The following CYP46A1 variants were observed in gnomAD, a reference collection of about 807,000 sequenced individuals.
The protein encoded by CYP46A1 is cytochrome P450 family 46 subfamily A member 1.
CYP46A1 carries 20 observed loss-of-function variants against 63.3 expected under a neutral mutation model. The observed-to-expected ratio is 0.32, with a 90% CI of 0.22 to 0.46. The LOEUF (loss-of-function observed/expected upper bound fraction) is 0.46. Ranked by LOEUF, CYP46A1 falls within the 20% of genes least tolerant of loss-of-function variation. CYP46A1 has a pLI of 1.00. For missense variants in CYP46A1, 445 were observed against 670.8 expected (o/e 0.66, Z 3.72); for synonymous variants, 268 against 273.6 (o/e 0.98, Z 0.20).
At chr14:99,706,453 G>T (rs2056676741) in intron 5 of CYP46A1, 194 bp from the exon 6 acceptor site, 2 of 614,372 alleles carry the variant, frequency 3.3e-6, no homozygotes, top group Non-Finnish European at 5.6e-6. Flanking sequence ...GGAGGAGAAT[G>T]GTGAAACCCC....
intron 1 of CYP46A1, among the ~76,000 whole-genome samples, chr14:99,689,270 T>A (rs1007316352): frequency 6.6e-6 from 1 of 152,096 alleles, no homozygotes; most frequent in Non-Finnish European, 1.5e-5. Flanking sequence ...AAGCTGATCC[T>A]GAGATAAGAA....
chr14:99,698,792 A>G (rs1047572923), intron 3 of CYP46A1, among the ~76,000 whole-genome samples: 15 of 152,326 alleles, frequency 9.8e-5, no homozygotes, highest in South Asian at 6.2e-4. Flanking sequence ...CCACTGGGCA[A>G]TCCTGCCTCA....
At chr14:99,718,336 C>A (rs2056811960) in intron 10 of CYP46A1, among the ~76,000 whole-genome samples, 2 of 152,186 alleles carry the variant, frequency 1.3e-5, no homozygotes, top group Non-Finnish European at 2.9e-5. Flanking sequence ...CTAGAAAGGG[C>A]TTCTCAGATC....
At chr14:99,684,844 C>A (rs575997013) in intron 1 of CYP46A1, 12 of 481,798 alleles carry the variant, frequency 2.5e-5, no homozygotes, top group Non-Finnish European at 4.5e-5. Flanking sequence ...GGCGAAGTCA[C>A]CTGCCCAAGG....
Position 99,721,333 on chromosome 14 carries a change from G to C in CYP46A1, c.1065+10G>C. Reference sequence around the variant, plus strand: ...GCAGTACCTGTCCCAGGTGTGGGAAGTAGGAGGGAAGCTTCTGGGCGGATG... The same window carrying C: ...GCAGTACCTGTCCCAGGTGTGGGAACTAGGAGGGAAGCTTCTGGGCGGATG... On this transcript the variant is annotated intron_variant, in intron 11 of 14. Coordinates refer to ENST00000261835, the MANE Select transcript of CYP46A1 (RefSeq NM_006668.2). 6.3e-7 allele frequency: 1 copy of C among 1,587,352 alleles called. No individual in the cohort carries two copies. Among genetic ancestry groups the C allele is most frequent in the Non-Finnish European group, 8.7e-7 (1 of 1,155,484 alleles).
At chr14:99,721,167 C>G (rs1302776714) in intron 10 of CYP46A1, 72 bp from the exon 11 acceptor site, 2 of 1,076,236 alleles carry the variant, frequency 1.9e-6, no homozygotes, top group South Asian at 2.5e-5. Context: ...TTCCAGTGCC[C>G]CCTTCTTAAA....
At chr14:99,717,742 G>A (rs1252044409) in intron 9 of CYP46A1, 3 of 328,730 alleles carry the variant, frequency 9.1e-6, no homozygotes, top group Non-Finnish European at 1.7e-5. Context: ...GCTTTTGTGT[G>A]CACCCTGCAT....
intron 3 of CYP46A1, among the ~76,000 whole-genome samples, chr14:99,694,981 GAT>G (rs780615008): frequency 5.8e-4 from 88 of 152,238 alleles, no homozygotes; most frequent in African/African-American, 2.0e-3. Flanking sequence ...CACAAATTTT[GAT>G]ATGTTTTATT....
At chr14:99,717,403 C>T (rs1003179406) in intron 9 of CYP46A1, among the ~76,000 whole-genome samples, 3 of 152,106 alleles carry the variant, frequency 2.0e-5, no homozygotes, top group African/African-American at 7.2e-5. Flanking sequence ...AGTCACAGCC[C>T]GCGATGCAGA....
chr14:99,690,526 G>C (rs1010505681), intron 1 of CYP46A1, among the ~76,000 whole-genome samples: 2 of 152,204 alleles, frequency 1.3e-5, no homozygotes, highest in Non-Finnish European at 2.9e-5. Context: ...CCCTTGGAAT[G>C]AGCTTCAGGA....
At chr14:99,692,256 C>T (rs1007988649) in intron 3 of CYP46A1, among the ~76,000 whole-genome samples, 5 of 152,356 alleles carry the variant, frequency 3.3e-5, no homozygotes, top group African/African-American at 1.2e-4. Flanking sequence ...TCAAAACATC[C>T]TTAAAGAGTG....
At chr14:99,708,327 G>A (rs889691417) in intron 7 of CYP46A1, 3 of 154,198 alleles carry the variant, frequency 1.9e-5, no homozygotes, top group Non-Finnish European at 2.7e-5. Flanking sequence ...TGCCACCAGC[G>A]CCTGCCACTG....
intron 1 of CYP46A1, among the ~76,000 whole-genome samples, 199 bp from the exon 2 acceptor site, chr14:99,690,882 G>C (rs548769427): frequency 1.3e-5 from 2 of 152,226 alleles, no homozygotes; most frequent in East Asian, 3.9e-4. Flanking sequence ...CTTCTCCAAG[G>C]GGGTCTTTGG....
At chr14:99,712,800 A>G (rs1432509645) in intron 7 of CYP46A1, 1 of 152,248 alleles carries the variant, frequency 6.6e-6, no homozygotes, top group Non-Finnish European at 1.5e-5. Flanking sequence ...AAGCAATCTT[A>G]AAATTTGCGT....
chr14:99,695,691 C>G (rs532728340), intron 3 of CYP46A1, among the ~76,000 whole-genome samples: 1 of 151,074 alleles, frequency 6.6e-6, no homozygotes, highest in East Asian at 1.9e-4. Flanking sequence ...AGTGCAATGG[C>G]GCTATCTCGG....
At chr14:99,706,819 G>A in intron 6 of CYP46A1, 34 bp downstream of exon 6, 1 of 1,606,596 alleles carries the variant, frequency 6.2e-7, no homozygotes, top group Non-Finnish European at 8.5e-7. Context: ...GGGGCCAGGA[G>A]GGCCACATGG....
At position 99,718,104 on chromosome 14, in the gene CYP46A1, C is replaced by T. The variant is rs2056808871; in HGVS notation, c.958C>T (p.Arg320Cys). 6.2e-7 allele frequency: 1 copy of T among 1,614,026 alleles called. No homozygotes were observed. The highest frequency in any genetic ancestry group is 8.5e-7 in the Non-Finnish European group (1 of 1,179,992). The change falls in exon 10 of 15, where the codon CGC becomes TGC. Residue 320 changes from arginine (R) to cysteine (C), a missense_variant. This residue lies in a region of CYP46A1 where 13 missense variants were observed against 50.5 expected (regional missense o/e 0.26). Coordinates refer to ENST00000261835, the MANE Select transcript of CYP46A1 (RefSeq NM_006668.2). ...HLAFTVMELS[R>C]QPEIVARLQA... ...GGCGTTCACAGTGATGGAGCTGTCT[C>T]GCCAGCCAGAGATCGTGGCAAGGTA...
At chr14:99,684,686 T>A (rs915725791) in intron 1 of CYP46A1, 150 bp downstream of exon 1, 27 of 696,500 alleles carry the variant, frequency 3.9e-5, no homozygotes, top group Non-Finnish European at 6.4e-5. Flanking sequence ...CGCTAACTAT[T>A]CTTAGTAACA....
intron 12 of CYP46A1, among the ~76,000 whole-genome samples, chr14:99,724,130 G>A (rs2056873595): frequency 6.6e-6 from 1 of 152,280 alleles, no homozygotes; most frequent in African/African-American, 2.4e-5. Flanking sequence ...TTGGATTAGG[G>A]CCCATCCTAA....
Sources: gnomAD v4.1 joint callset for allele counts (sites outside exome capture counted in the v4.1 genomes callset) on GRCh38, gnomAD v4.1.1 for gene constraint, gnomAD v4.1.1 regional missense constraint, MANE v1.5 for transcripts, NCBI Gene and HGNC (gene_info 2026-07-23, HGNC 2026-07-21) for gene names.